The following TSPAN13 variants were observed in gnomAD, a reference collection of about 807,000 sequenced individuals.
The protein encoded by TSPAN13 is tetraspanin-13.
Under a neutral mutation model 26.9 loss-of-function variants are expected in TSPAN13, and 18 were observed. The ratio of observed to expected loss-of-function variants is 0.67; its 90% CI spans 0.46 to 0.99. TSPAN13 has a LOEUF of 0.99. Among genes scored for constraint, TSPAN13 ranks in the 50% least tolerant of loss-of-function variants. The pLI, the probability that TSPAN13 is intolerant of heterozygous loss-of-function variation, is 0.00. For synonymous variants in TSPAN13, 116 were observed against 98.4 expected (o/e 1.18, Z -1.06); for missense variants, 201 against 249.6 (o/e 0.81, Z 1.31).
intron 1 of TSPAN13, among the ~76,000 whole-genome samples, chr7:16,769,050 T>G (rs1391355149): frequency 6.6e-6 from 1 of 152,146 alleles, no homozygotes; most frequent in Non-Finnish European, 1.5e-5. Flanking sequence ...GGTCTCGAAC[T>G]CCTGACCTCA....
At chr7:16,777,774 TTA>T in intron 3 of TSPAN13, 22 bp from the exon 4 acceptor site, 1 of 1,583,086 alleles carries the variant, frequency 6.3e-7, no homozygotes, top group Non-Finnish European at 8.7e-7. Flanking sequence ...ATGACACATT[TTA>T]TATATTAAAC....
Position 16,780,939 on chromosome 7 carries a change from T to C in TSPAN13, c.540+1823T>C, listed in dbSNP as rs1784807863. ...TGCAACCTGGTTTTTTAGATAGTGA[T>C]AGTGGTAGGCTCTCACTTTTTAAGT... On this transcript the variant is annotated intron_variant, in intron 5 of 5. Transcript: ENST00000262067. Among the ~76,000 whole-genome samples the C allele has an allele frequency of 2.0e-5, 3 of 152,202 alleles. No homozygotes were observed. The South Asian group carries it at 6.2e-4, about 32-fold the overall frequency.
rs576397254 is a variant in TSPAN13, at chr7:16,780,202, C to A, written c.540+1086C>A. Reference sequence around the variant, plus strand: ...GCAAGCTCCACCTCTTGGGTTCAAGCGATTCTCCCACCTCAGCCTCCCGAG... The same window carrying A: ...GCAAGCTCCACCTCTTGGGTTCAAGAGATTCTCCCACCTCAGCCTCCCGAG... On this transcript the variant is annotated intron_variant, in intron 5 of 5. Transcript: ENST00000262067. Among the ~76,000 whole-genome samples the A allele has an allele frequency of 7.9e-5, 12 of 152,072 alleles. No homozygotes were observed. The East Asian group carries it at 2.3e-3, about 29-fold the overall frequency.
chr7:16,778,185 G>T (rs562293370), intron 4 of TSPAN13, among the ~76,000 whole-genome samples: 1 of 152,270 alleles, frequency 6.6e-6, no homozygotes, highest in East Asian at 1.9e-4. Context: ...AGAACAAGTT[G>T]TGAAAGAAAT....
At chr7:16,783,151 A>G (rs1422194783) in intron 5 of TSPAN13, among the ~76,000 whole-genome samples, 1 of 152,182 alleles carries the variant, frequency 6.6e-6, no homozygotes, top group East Asian at 1.9e-4. Flanking sequence ...GTTACTGTGT[A>G]AGGTAACATA....
intron 5 of TSPAN13, among the ~76,000 whole-genome samples, chr7:16,780,342 T>G (rs1489384849): frequency 6.6e-6 from 1 of 152,126 alleles, no homozygotes; most frequent in Non-Finnish European, 1.5e-5. Flanking sequence ...TCAAGTGATC[T>G]GCCAACCTCA....
At chr7:16,780,551 T>G (rs975217963) in intron 5 of TSPAN13, among the ~76,000 whole-genome samples, 25 of 152,240 alleles carry the variant, frequency 1.6e-4, no homozygotes, top group Non-Finnish European at 3.4e-4. Flanking sequence ...AAGAATTCTG[T>G]GCATTTCTCT....
intron 1 of TSPAN13, among the ~76,000 whole-genome samples, chr7:16,757,874 C>T (rs1784498104): frequency 6.6e-6 from 1 of 152,108 alleles, no homozygotes; most frequent in Admixed American, 6.5e-5. Flanking sequence ...ACTCTCGTTG[C>T]CCAGGCTGGA....
In TSPAN13 at chr7:16,784,512, A is replaced by G. The variant is rs779916734; in HGVS notation, c.*1021A>G. The G allele has an allele frequency of 1.3e-5, 2 of 152,196 alleles. No individual in the cohort carries two copies. Among genetic ancestry groups the G allele is most frequent in the Non-Finnish European group, 2.9e-5 (2 of 68,020 alleles). The allele number at this position is 152,196 out of a possible 1,614,324, so 9.4% of individuals were successfully genotyped here. A position where few individuals can be genotyped will look rare whatever the true frequency, so the allele number is the denominator to read the frequency against. On this transcript the variant is annotated 3_prime_UTR_variant, in exon 6 of 6. Transcript: ENST00000262067. ...TGTATGCATGTTTGAATTAAAAGAA[A>G]GTAATGGAAGAATTGATCGATGAAT...
chr7:16,768,037 C>A (rs191468671), intron 1 of TSPAN13, among the ~76,000 whole-genome samples: 2 of 152,094 alleles, frequency 1.3e-5, no homozygotes, highest in African/African-American at 4.8e-5. Context: ...CTCAGCCTCC[C>A]GAGTAGCTGG....
chr7:16,783,350 C>A, intron 5 of TSPAN13, 67 bp from the exon 6 acceptor site: 1 of 1,455,548 alleles, frequency 6.9e-7, no homozygotes. Flanking sequence ...TTTTATTGAT[C>A]AACTGAATAA....
chr7:16,780,503 T>G (rs1317781169), intron 5 of TSPAN13, among the ~76,000 whole-genome samples: 1 of 152,218 alleles, frequency 6.6e-6, no homozygotes, highest in Non-Finnish European at 1.5e-5. Context: ...GTGAGTTGGT[T>G]GTGACATTAA....
intron 5 of TSPAN13, among the ~76,000 whole-genome samples, chr7:16,779,505 TTATATATCTTTTTA>T (rs1006671330): frequency 1.3e-5 from 2 of 152,056 alleles, no homozygotes; most frequent in Non-Finnish European, 2.9e-5. Flanking sequence ...TATAAAAAGA[TTATATATCTTTTTA>T]TATATATCTT....
In TSPAN13 at chr7:16,777,916, G is replaced by C. The variant is rs1562521084; in HGVS notation, c.426+5G>C. 1 of 1,601,998 alleles carries C rather than the reference G, an allele frequency of 6.2e-7. No individual in the cohort carries two copies. Among genetic ancestry groups the C allele is most frequent in the Non-Finnish European group, 8.5e-7 (1 of 1,170,128 alleles). On this transcript the variant is annotated splice_donor_5th_base_variant and intron_variant, in intron 4 of 5. Coordinates refer to ENST00000262067, the MANE Select transcript of TSPAN13 (RefSeq NM_014399.4). ...CCAAATGACACCTGTCTGGCTGTAA[G>C]TACATTGTATAATATATGTTTTTGG...
chr7:16,777,788 C>T lies in TSPAN13; in HGVS notation c.313-10C>T. On this transcript the variant is annotated splice_polypyrimidine_tract_variant and intron_variant, in intron 3 of 5. Transcript: ENST00000262067. ...GATGACACATTTTATATATTAAACA[C>T]ATTTACTAGGGTCAGCTTCTGGAGG... 3 of 1,609,644 alleles carry T rather than the reference C, an allele frequency of 1.9e-6. No homozygotes were observed. Among genetic ancestry groups the T allele is most frequent in the South Asian group, 1.1e-5 (1 of 90,692 alleles).
chr7:16,762,708 T>C (rs1387980587), intron 1 of TSPAN13, among the ~76,000 whole-genome samples: 1 of 152,152 alleles, frequency 6.6e-6, no homozygotes, highest in Non-Finnish European at 1.5e-5. Context: ...ATGTGCATAA[T>C]TCAAGCATAT....
At chr7:16,755,539 G>A (rs1784472810) in intron 1 of TSPAN13, among the ~76,000 whole-genome samples, 1 of 109,186 alleles carries the variant, frequency 9.2e-6, no homozygotes, top group Non-Finnish European at 1.9e-5. Flanking sequence ...CAGTTCTCTA[G>A]GGTTTTTTTT....
rs752106414 is a variant in TSPAN13 at position 16,783,507 on chromosome 7, G to A, written c.*16G>A. 50 of 1,608,248 alleles carry A rather than the reference G, an allele frequency of 3.1e-5. No individual in the cohort carries two copies. The highest frequency in any genetic ancestry group is 1.8e-4 in the Admixed American group (11 of 59,918). On this transcript the variant is annotated 3_prime_UTR_variant, in exon 6 of 6. Coordinates refer to ENST00000262067, the MANE Select transcript of TSPAN13 (RefSeq NM_014399.4). ...ATTCCTTTGATGAGAAAACAAGGAA[G>A]ATTTCCTTTCGTATTATGATCTTGT...
At chr7:16,775,014 AT>A (rs1290566213) in intron 1 of TSPAN13, among the ~76,000 whole-genome samples, 1 of 152,238 alleles carries the variant, frequency 6.6e-6, no homozygotes, top group Non-Finnish European at 1.5e-5. Context: ...AAAAAGATGC[AT>A]TTGAGTAAGT....
Sources: allele counts gnomAD v4.1 joint callset (sites outside exome capture counted in the v4.1 genomes callset), GRCh38; gene constraint gnomAD v4.1.1; transcripts MANE v1.5; gene names NCBI Gene and HGNC (gene_info 2026-07-23, HGNC 2026-07-21).